The following SORCS2 variants were observed in gnomAD, a reference collection of about 807,000 sequenced individuals.
SORCS2 encodes the protein VPS10 domain-containing receptor SorCS2.
A neutral mutation model predicts 141.6 loss-of-function variants in SORCS2; 100 were observed. That is an observed-to-expected ratio of 0.71 (90% CI 0.60 to 0.83). The LOEUF (loss-of-function observed/expected upper bound fraction) is 0.83, where lower values mean the gene tolerates loss of function less well. SORCS2 is among the 40% of genes least tolerant of loss of function. SORCS2 has a pLI of 0.00. For synonymous variants in SORCS2, 789 were observed against 676.9 expected (o/e 1.17, Z -2.57); for missense variants, 1,646 against 1,560.2 (o/e 1.05, Z -0.93).
chr4:7,556,297 G>A (rs1194009619), intron 3 of SORCS2, among the ~76,000 whole-genome samples: 1 of 152,262 alleles, frequency 6.6e-6, no homozygotes, highest in African/African-American at 2.4e-5. Context: ...AGTTTCCTCT[G>A]AGGATGTTGA....
intron 15 of SORCS2, 144 bp from the exon 16 acceptor site, chr4:7,714,096 C>G (rs1028871132): frequency 3.6e-5 from 44 of 1,215,574 alleles, no homozygotes; most frequent in Non-Finnish European, 4.7e-5. Flanking sequence ...GCAGACATGT[C>G]ACGCCCCATT....
At chr4:7,269,110 G>A (rs574133997) in intron 1 of SORCS2, among the ~76,000 whole-genome samples, 109 of 152,190 alleles carry the variant, frequency 7.2e-4, no homozygotes, top group African/African-American at 2.1e-3. Flanking sequence ...GTTGCAGGGC[G>A]TCACCTCTGC....
intron 4 of SORCS2, among the ~76,000 whole-genome samples, chr4:7,640,579 G>C (rs920171774): frequency 6.6e-6 from 1 of 151,478 alleles, no homozygotes; most frequent in Non-Finnish European, 1.5e-5. Context: ...GTAAGGACTC[G>C]GGCCTTCGTT....
chr4:7,197,934 C>T (rs952457135), intron 1 of SORCS2, among the ~76,000 whole-genome samples: 7 of 152,154 alleles, frequency 4.6e-5, no homozygotes, highest in East Asian at 1.9e-4. Context: ...AGTAAAGGCT[C>T]ATAGGTTTGT....
chr4:7,714,186 G>T, intron 15 of SORCS2, 54 bp from the exon 16 acceptor site: 1 of 1,574,442 alleles, frequency 6.4e-7, no homozygotes, highest in East Asian at 2.3e-5. Flanking sequence ...ACAAGGCCTT[G>T]TAGAGCAGTT....
intron 9 of SORCS2, among the ~76,000 whole-genome samples, chr4:7,680,690 T>A (rs1723473377): frequency 6.6e-6 from 1 of 152,234 alleles, no homozygotes; most frequent in Non-Finnish European, 1.5e-5. Context: ...CTAGAAACTC[T>A]GGGAGGCTGC....
At chr4:7,650,981 C>T (rs2108892161) in intron 4 of SORCS2, among the ~76,000 whole-genome samples, 1 of 152,228 alleles carries the variant, frequency 6.6e-6, no homozygotes, top group Non-Finnish European at 1.5e-5. Flanking sequence ...CCGTATTGCA[C>T]CAATACAGCC....
At chr4:7,476,974 C>T (rs1420799286) in intron 2 of SORCS2, among the ~76,000 whole-genome samples, 4 of 152,226 alleles carry the variant, frequency 2.6e-5, no homozygotes, top group African/African-American at 7.2e-5. Context: ...TTCCCCAAGG[C>T]GCTCTGAACT....
intron 2 of SORCS2, among the ~76,000 whole-genome samples, chr4:7,468,233 C>T (rs1228766444): frequency 1.3e-5 from 2 of 152,208 alleles, no homozygotes; most frequent in Non-Finnish European, 2.9e-5. Flanking sequence ...AGTGGGACTC[C>T]ACCGTCCTCC....
chr4:7,664,025 T>C lies in SORCS2; in HGVS notation c.953-328T>C, dbSNP rs1207673517. Among the ~76,000 whole-genome samples the C allele has an allele frequency of 6.6e-6, 1 of 152,128 alleles. No individual in the cohort carries two copies. Among genetic ancestry groups the C allele is most frequent in the Non-Finnish European group, 1.5e-5 (1 of 68,016 alleles). On this transcript the variant is annotated intron_variant, in intron 6 of 26. Coordinates refer to ENST00000507866, the MANE Select transcript of SORCS2 (RefSeq NM_020777.3). This position sits in a 1 kb window ranked among gnomAD's most constrained non-coding sequence, Gnocchi z 4.7. ...CATCCCTGCTTAGGTGTGAGAGACTTCAGGAGGGTATGGGGGCCGTGCATG... is the reference window on the plus strand; with the variant it reads ...CATCCCTGCTTAGGTGTGAGAGACTCCAGGAGGGTATGGGGGCCGTGCATG...
At chr4:7,421,108 C>T (rs538175150) in intron 2 of SORCS2, among the ~76,000 whole-genome samples, 8 of 152,298 alleles carry the variant, frequency 5.3e-5, no homozygotes, top group African/African-American at 1.7e-4. Context: ...CCATCCCTTG[C>T]CCACACAGTG....
At chr4:7,583,540 C>T (rs1716319578) in intron 3 of SORCS2, among the ~76,000 whole-genome samples, 1 of 152,116 alleles carries the variant, frequency 6.6e-6, no homozygotes, top group African/African-American at 2.4e-5. Flanking sequence ...TGGGAGGGGC[C>T]CAGTGGGAGA....
intron 3 of SORCS2, among the ~76,000 whole-genome samples, chr4:7,543,903 T>TCCACCCAC (rs1712999396): frequency 3.9e-5 from 1 of 25,540 alleles, no homozygotes; most frequent in African/African-American, 2.0e-4. Context: ...CATCCATCCA[T>TCCACCCAC]CCACCCATCC....
intron 2 of SORCS2, among the ~76,000 whole-genome samples, chr4:7,466,466 G>A (rs945855534): frequency 2.0e-5 from 3 of 152,230 alleles, no homozygotes; most frequent in Admixed American, 1.3e-4. Context: ...GGCAGGGGGT[G>A]CATGGAGAGA....
chr4:7,280,030 G>A (rs1189139568), intron 1 of SORCS2, among the ~76,000 whole-genome samples: 1 of 152,118 alleles, frequency 6.6e-6, no homozygotes, highest in Non-Finnish European at 1.5e-5. Context: ...AATGGTGTCG[G>A]CTGCAGCTTC....
At chr4:7,378,801 C>A (rs1019914928) in intron 1 of SORCS2, among the ~76,000 whole-genome samples, 26 of 152,202 alleles carry the variant, frequency 1.7e-4, no homozygotes, top group Admixed American at 1.7e-3. Context: ...CCGTGGGCAG[C>A]TGAGAGTTAT....
chr4:7,732,076 G>C (rs1301906213), intron 23 of SORCS2, among the ~76,000 whole-genome samples: 1 of 152,164 alleles, frequency 6.6e-6, no homozygotes, highest in Non-Finnish European at 1.5e-5. Flanking sequence ...TCCAGAATAC[G>C]TAAGAAACCC....
chr4:7,438,390 A>T (rs1727444253), intron 2 of SORCS2, among the ~76,000 whole-genome samples: 1 of 152,152 alleles, frequency 6.6e-6, no homozygotes, highest in Non-Finnish European at 1.5e-5. Context: ...TCACTTGGAG[A>T]AGATCTACCA....
In SORCS2 at chr4:7,562,323, G is replaced by C. The variant is rs16840502; in HGVS notation, c.648+30694G>C. On this transcript the variant is annotated intron_variant, in intron 3 of 26. Transcript: ENST00000507866. ...GATCAGCTGCGTACACAAAGGCCCTGAGGCAAAAAAAAGGTGGATGGTCAG... is the reference window on the plus strand; with the variant it reads ...GATCAGCTGCGTACACAAAGGCCCTCAGGCAAAAAAAAGGTGGATGGTCAG... 3.3e-3 allele frequency among the ~76,000 whole-genome samples: 470 copies of C among 143,610 alleles called. 4 individuals are homozygous for C. Among genetic ancestry groups the C allele is most frequent in the African/African-American group, 0.012 (446 of 38,406 alleles). 94.2% of individuals were successfully genotyped at this position (143,610 alleles called of 152,430 possible). A position where few individuals can be genotyped will look rare whatever the true frequency, so the allele number is the denominator to read the frequency against.
Sources: allele counts gnomAD v4.1 joint callset (sites outside exome capture counted in the v4.1 genomes callset), GRCh38; gene constraint gnomAD v4.1.1; non-coding constraint Gnocchi (gnomAD v3.1); transcripts MANE v1.5; gene names NCBI Gene and HGNC (gene_info 2026-07-23, HGNC 2026-07-21).